Variants in ALK observed in about 807,000 individuals in gnomAD.
The protein encoded by ALK is ALK receptor tyrosine kinase.
Under a neutral mutation model 163.1 loss-of-function variants are expected in ALK, and 74 were observed. The ratio of observed to expected loss-of-function variants is 0.45; its 90% CI spans 0.38 to 0.55. The LOEUF is 0.55. Among genes scored for constraint, ALK ranks in the 20% least tolerant of loss-of-function variants. The pLI, the probability that ALK is intolerant of heterozygous loss-of-function variation, is 0.00. For missense variants in ALK, 2,063 were observed against 2,105.3 expected (o/e 0.98, Z 0.39); for synonymous variants, 960 against 843.2 (o/e 1.14, Z -2.40).
chr2:29,258,842 A>T (rs1004776052), intron 11 of ALK, among the ~76,000 whole-genome samples: 1 of 152,212 alleles, frequency 6.6e-6, no homozygotes, highest in Non-Finnish European at 1.5e-5. Context: ...CTTAGTAGGA[A>T]AAGGTATTTT....
intron 4 of ALK, among the ~76,000 whole-genome samples, chr2:29,499,197 C>A (rs770980143): frequency 1.1e-4 from 17 of 151,950 alleles, no homozygotes; most frequent in Non-Finnish European, 2.4e-4. Context: ...GGGTCCTTCT[C>A]CAGGGTCTCC....
chr2:29,327,812 T>C (rs1667315851), intron 6 of ALK, among the ~76,000 whole-genome samples: 1 of 152,086 alleles, frequency 6.6e-6, no homozygotes, highest in Admixed American at 6.5e-5. Context: ...GAACCAGTGG[T>C]ACTTGTGGGG....
At chr2:29,211,662 G>A (rs747967384) in intron 24 of ALK, among the ~76,000 whole-genome samples, 2 of 152,216 alleles carry the variant, frequency 1.3e-5, no homozygotes, top group African/African-American at 4.8e-5. Context: ...AAGGGTGGAG[G>A]GAGAGAGAGA....
At chr2:29,715,715 C>G (rs1020164398) in intron 2 of ALK, among the ~76,000 whole-genome samples, 3 of 152,178 alleles carry the variant, frequency 2.0e-5, no homozygotes, top group African/African-American at 7.2e-5. Flanking sequence ...AAAATGTTAC[C>G]TGAAGACCAG....
At chr2:29,657,952 G>A (rs1677235376) in intron 3 of ALK, among the ~76,000 whole-genome samples, 1 of 152,138 alleles carries the variant, frequency 6.6e-6, no homozygotes, top group Non-Finnish European at 1.5e-5. Flanking sequence ...TGGGTCACTT[G>A]CTGGACTGAG....
intron 4 of ALK, among the ~76,000 whole-genome samples, chr2:29,444,203 T>A (rs1388275808): frequency 6.6e-6 from 1 of 152,158 alleles, no homozygotes; most frequent in African/African-American, 2.4e-5. Flanking sequence ...TTATGAACTC[T>A]CCCCTCTTCT....
At chr2:29,679,281 C>T (rs898081268) in intron 3 of ALK, among the ~76,000 whole-genome samples, 2 of 151,812 alleles carry the variant, frequency 1.3e-5, no homozygotes, top group Admixed American at 6.6e-5. Flanking sequence ...AGAAAACATA[C>T]ATTTCATCTT....
intron 1 of ALK, among the ~76,000 whole-genome samples, chr2:29,731,416 G>T (rs563752651): frequency 6.6e-6 from 1 of 152,316 alleles, no homozygotes; most frequent in South Asian, 2.1e-4. Flanking sequence ...TAAACTCGGA[G>T]AAACTGCTTT....
At chr2:29,615,895 G>A (rs1485075865) in intron 3 of ALK, among the ~76,000 whole-genome samples, 1 of 152,252 alleles carries the variant, frequency 6.6e-6, no homozygotes, top group African/African-American at 2.4e-5. Context: ...AGCTAATATT[G>A]AGGAGGATGA....
chr2:29,455,209 C>T (rs943410061), intron 4 of ALK, among the ~76,000 whole-genome samples: 11 of 152,122 alleles, frequency 7.2e-5, no homozygotes, highest in Admixed American at 5.9e-4. Context: ...CAGGAGGTGG[C>T]GGGAACAGTG....
intron 1 of ALK, among the ~76,000 whole-genome samples, chr2:29,855,219 C>G (rs1031924181): frequency 1.3e-5 from 2 of 152,214 alleles, no homozygotes; most frequent in African/African-American, 4.8e-5. Context: ...CTCATTTAAT[C>G]TTCACAGCCT....
chr2:29,319,506 G>T (rs1336035973), intron 7 of ALK, among the ~76,000 whole-genome samples: 1 of 152,196 alleles, frequency 6.6e-6, no homozygotes, highest in Non-Finnish European at 1.5e-5. Context: ...GATTTCTGAG[G>T]GGCTGCCTTG....
At chr2:29,354,260 G>C (rs984784600) in intron 5 of ALK, among the ~76,000 whole-genome samples, 14 of 152,344 alleles carry the variant, frequency 9.2e-5, no homozygotes, top group Non-Finnish European at 1.3e-4. Flanking sequence ...AGGTGGCCCT[G>C]TGGTCTCTGC....
intron 4 of ALK, among the ~76,000 whole-genome samples, chr2:29,391,720 T>G (rs780951529): frequency 6.6e-6 from 1 of 152,118 alleles, no homozygotes; most frequent in Non-Finnish European, 1.5e-5. Flanking sequence ...CACTTTTCCT[T>G]TCCTTCTTTC....
chr2:29,720,093 A>G (rs1021167598), intron 1 of ALK, among the ~76,000 whole-genome samples: 2 of 151,958 alleles, frequency 1.3e-5, no homozygotes, highest in African/African-American at 4.8e-5. Flanking sequence ...TTCTTCCTGG[A>G]TGTGAGGAAC....
At chr2:29,240,866 T>C (rs2148189625) in intron 12 of ALK, among the ~76,000 whole-genome samples, 1 of 152,322 alleles carries the variant, frequency 6.6e-6, no homozygotes, top group South Asian at 2.1e-4. Flanking sequence ...TGTATTCAGA[T>C]CCAAGGTCTT....
intron 1 of ALK, among the ~76,000 whole-genome samples, chr2:29,862,345 A>G (rs1666317408): frequency 2.0e-5 from 3 of 152,152 alleles, no homozygotes; most frequent in East Asian, 1.9e-4. Context: ...CAGGAAAAAA[A>G]TAAGTTAAAT....
intron 3 of ALK, among the ~76,000 whole-genome samples, chr2:29,562,150 G>C (rs1184336115): frequency 6.6e-6 from 1 of 152,134 alleles, no homozygotes; most frequent in Non-Finnish European, 1.5e-5. Context: ...GACAACCATG[G>C]GTGGGTGCCG....
At chr2:29,239,600 T>C in intron 13 of ALK, 80 bp downstream of exon 13, 1 of 1,518,452 alleles carries the variant, frequency 6.6e-7, no homozygotes, top group Non-Finnish European at 9.1e-7. Context: ...AGGAGGAGGG[T>C]GTTGAGTGTT....
Sources: allele counts gnomAD v4.1 joint callset (sites outside exome capture counted in the v4.1 genomes callset), GRCh38; gene constraint gnomAD v4.1.1; transcripts MANE v1.5; gene names NCBI Gene and HGNC (gene_info 2026-07-23, HGNC 2026-07-21).